Variants in SRPK2 observed in about 807,000 individuals in gnomAD.
SRPK2 encodes the protein SRSF protein kinase 2.
SRPK2 carries 21 observed loss-of-function variants against 90.8 expected under a neutral mutation model. That is an observed-to-expected ratio of 0.23 (90% confidence interval 0.16 to 0.33). SRPK2 has a LOEUF of 0.33. SRPK2 is among the 10% of genes least tolerant of loss of function. The pLI, the probability that SRPK2 is intolerant of heterozygous loss-of-function variation, is 1.00. For synonymous variants in SRPK2, 288 were observed against 311.1 expected, an observed-to-expected ratio of 0.93 and a Z score of 0.78; for missense variants, 620 against 869.0, an observed-to-expected ratio of 0.71 and a Z score of 3.60.
chr7:105,151,685 T>G (rs958855796), intron 7 of SRPK2, among the ~76,000 whole-genome samples: 1 of 152,088 alleles, frequency 6.6e-6, no homozygotes, highest in Non-Finnish European at 1.5e-5. Flanking sequence ...TGGCTGGGAT[T>G]ACAGGTGTGA....
At chr7:105,267,098 CT>C (rs1278284482) in intron 2 of SRPK2, among the ~76,000 whole-genome samples, 1 of 152,118 alleles carries the variant, frequency 6.6e-6, no homozygotes, top group Non-Finnish European at 1.5e-5. Context: ...GATTTCTAAA[CT>C]TTAAAATCAT....
At chr7:105,305,665 C>CCCTA (rs1811067233) in intron 2 of SRPK2, among the ~76,000 whole-genome samples, 1 of 152,146 alleles carries the variant, frequency 6.6e-6, no homozygotes, top group South Asian at 2.1e-4. Flanking sequence ...AACACTCTTT[C>CCCTA]CCTACCCTCT....
rs574868466 is a variant in SRPK2, at chr7:105,160,676, A to C, written c.515-63T>G. On this transcript the variant is annotated intron_variant, in intron 6 of 15. Coordinates refer to ENST00000393651, the MANE Select transcript of SRPK2 (RefSeq NM_182692.3). Reference sequence around the variant, plus strand: ...CTGGAGTGAGGCAGTTATTGAAAGCAGCACCATTGTGTCACTTGCAAAGCA... The same window carrying C: ...CTGGAGTGAGGCAGTTATTGAAAGCCGCACCATTGTGTCACTTGCAAAGCA... 2.5e-4 allele frequency: 229 copies of C among 922,664 alleles called. 4 individuals are homozygous for C. Among genetic ancestry groups the C allele is most frequent in the South Asian group, 2.2e-3 (159 of 73,160 alleles). 57.2% of individuals were successfully genotyped at this position (922,664 alleles called of 1,614,324 possible).
At chr7:105,227,465 A>G (rs1296962396) in intron 2 of SRPK2, among the ~76,000 whole-genome samples, 1 of 152,230 alleles carries the variant, frequency 6.6e-6, no homozygotes, top group East Asian at 1.9e-4. Flanking sequence ...GTAGCCAAAA[A>G]GCACATGACA....
At chr7:105,257,337 T>C (rs770662445) in intron 2 of SRPK2, among the ~76,000 whole-genome samples, 30 of 152,262 alleles carry the variant, frequency 2.0e-4, no homozygotes, top group Non-Finnish European at 3.8e-4. Context: ...TTATAATAGC[T>C]GCTCACATTT....
intron 2 of SRPK2, among the ~76,000 whole-genome samples, chr7:105,253,912 C>CA (rs35988511): frequency 2.9e-4 from 44 of 151,602 alleles, no homozygotes; most frequent in African/African-American, 1.0e-3. Context: ...AACAAACAAA[C>CA]AAAAAAAAAC....
At chr7:105,386,586 G>C (rs1189481447) in intron 2 of SRPK2, among the ~76,000 whole-genome samples, 1 of 151,890 alleles carries the variant, frequency 6.6e-6, no homozygotes, top group Middle Eastern at 3.4e-3. Context: ...GCTTGGTGGC[G>C]GGTGCCTGTA....
At chr7:105,341,974 T>C (rs1232344398) in intron 2 of SRPK2, among the ~76,000 whole-genome samples, 1 of 141,868 alleles carries the variant, frequency 7.0e-6, no homozygotes, top group Admixed American at 7.1e-5. Context: ...CTCAAATAAA[T>C]AAATAAGGGC....
At chr7:105,298,700 A>G (rs1810162298) in intron 2 of SRPK2, 1 of 984,810 alleles carries the variant, frequency 1.0e-6, no homozygotes, top group South Asian at 4.7e-5. Context: ...CCCTGCCTAA[A>G]ATAGTTCATC....
At chr7:105,146,218 A>G (rs924691499) in intron 8 of SRPK2, among the ~76,000 whole-genome samples, 1 of 152,236 alleles carries the variant, frequency 6.6e-6, no homozygotes, top group Non-Finnish European at 1.5e-5. Flanking sequence ...TCCTCTGCAG[A>G]GAAGCTGGCA....
intron 3 of SRPK2, among the ~76,000 whole-genome samples, chr7:105,188,676 C>T (rs1793896660): frequency 6.6e-6 from 1 of 152,160 alleles, no homozygotes; most frequent in African/African-American, 2.4e-5. Context: ...AACAATTCTA[C>T]TGAATCCAGA....
rs982787443 is a variant in SRPK2 at position 105,125,348 on chromosome 7, T to C, written c.1915+900A>G. On this transcript the variant is annotated intron_variant, in intron 15 of 15. Transcript: ENST00000393651. ...GGATGTCATTTTTAAGAATGTGAGG[T>C]ACGCAGCATTTCACAGGCCTACACC... is the stretch of plus-strand genomic sequence containing the variant. Among the ~76,000 whole-genome samples the C allele has an allele frequency of 2.6e-5, 4 of 152,174 alleles. No individual in the cohort carries two copies. The South Asian group carries it at 8.3e-4, about 32-fold the overall frequency.
At chr7:105,134,824 A>G (rs1487517998) in intron 11 of SRPK2, among the ~76,000 whole-genome samples, 1 of 152,236 alleles carries the variant, frequency 6.6e-6, no homozygotes, top group Non-Finnish European at 1.5e-5. Context: ...TTCCTCTAGC[A>G]TGTTAATCAA....
At chr7:105,211,578 C>T (rs1796868714) in intron 2 of SRPK2, among the ~76,000 whole-genome samples, 1 of 152,010 alleles carries the variant, frequency 6.6e-6, no homozygotes, top group Non-Finnish European at 1.5e-5. Flanking sequence ...GGGGGAGGTG[C>T]TACACACTTT....
intron 2 of SRPK2, among the ~76,000 whole-genome samples, chr7:105,345,200 G>C (rs1198346995): frequency 6.8e-6 from 1 of 146,166 alleles, no homozygotes; most frequent in African/African-American, 2.5e-5. Context: ...GAGGGGAGGG[G>C]AGGGGAAGGG....
At chr7:105,143,709 A>T (rs1192765521) in intron 9 of SRPK2, 1 of 203,864 alleles carries the variant, frequency 4.9e-6, no homozygotes, top group Non-Finnish European at 1.0e-5. Flanking sequence ...CAGCTCCTCA[A>T]TGCCAAAAAT....
At chr7:105,300,286 T>C (rs1393114749) in intron 2 of SRPK2, among the ~76,000 whole-genome samples, 1 of 146,866 alleles carries the variant, frequency 6.8e-6, no homozygotes, top group East Asian at 2.0e-4. Context: ...AAAGTATATA[T>C]ATACATATTT....
intron 2 of SRPK2, among the ~76,000 whole-genome samples, chr7:105,226,573 C>A (rs751344093): frequency 1.2e-4 from 18 of 152,134 alleles, no homozygotes; most frequent in Non-Finnish European, 2.6e-4. Context: ...AAGGTATGAG[C>A]CACCATGCCG....
chr7:105,302,294 A>G (rs1214513425), intron 2 of SRPK2, among the ~76,000 whole-genome samples: 2 of 152,226 alleles, frequency 1.3e-5, no homozygotes, highest in East Asian at 1.9e-4. Flanking sequence ...TAAAAGGTGA[A>G]AATGTTACAG....
Sources: allele counts gnomAD v4.1 joint callset (sites outside exome capture counted in the v4.1 genomes callset), GRCh38; gene constraint gnomAD v4.1.1; transcripts MANE v1.5; gene names NCBI Gene and HGNC (gene_info 2026-07-23, HGNC 2026-07-21).